The following PCDHA7 variants were observed in gnomAD, a reference collection of about 807,000 sequenced individuals.
The protein encoded by PCDHA7 is protocadherin alpha 7, also known as protocadherin alpha-7.
PCDHA7 carries 37 observed loss-of-function variants against 57.2 expected under a neutral mutation model. The observed-to-expected ratio is 0.65, with a 90% CI of 0.50 to 0.85. The LOEUF (loss-of-function observed/expected upper bound fraction) is 0.85. Among genes scored for constraint, PCDHA7 ranks in the 40% least tolerant of loss-of-function variants. PCDHA7 has a pLI of 0.00. For missense variants in PCDHA7, 1,188 were observed against 1,241.8 expected (o/e 0.96, Z 0.65); for synonymous variants, 553 against 558.8 (o/e 0.99, Z 0.15).
At chr5:140,947,275 T>G (rs246050) in intron 1 of PCDHA7, among the ~76,000 whole-genome samples, 85,352 of 151,290 alleles carry the variant, frequency 0.56, 24,679 homozygotes, top group African/African-American at 0.69. Context: ...GAAAATACTT[T>G]TTCTTTTTAT....
At chr5:140,864,428 A>G (rs1459039146) in intron 1 of PCDHA7, 2 of 152,138 alleles carry the variant, frequency 1.3e-5, no homozygotes, top group Non-Finnish European at 2.9e-5. Context: ...TCGTCCACAA[A>G]CAATTTTGTT....
intron 1 of PCDHA7, among the ~76,000 whole-genome samples, chr5:140,932,539 AT>A (rs782246299): frequency 3.3e-5 from 5 of 152,008 alleles, no homozygotes; most frequent in Admixed American, 2.0e-4. Context: ...AAGGTGCTTT[AT>A]TTAACATACA....
chr5:140,874,321 T>C (rs1476462736), intron 1 of PCDHA7, among the ~76,000 whole-genome samples: 2 of 151,726 alleles, frequency 1.3e-5, no homozygotes, highest in Non-Finnish European at 2.9e-5. Flanking sequence ...TGTAGGATCT[T>C]ATCTGTTTTT....
At position 141,009,794 on chromosome 5, in the gene PCDHA7, A is replaced by G. The variant is rs1314860754; in HGVS notation, c.2671A>G (p.Thr891Ala). 1.2e-6 allele frequency: 2 copies of G among 1,614,042 alleles called. No homozygotes were observed. Among genetic ancestry groups the G allele is most frequent in the South Asian group, 1.1e-5 (1 of 91,076 alleles). Reference protein sequence around the residue: ...PAIISIRQEPTNSQIDKSDFI... With the variant: ...PAIISIRQEPANSQIDKSDFI... ...AATCATCTCCATCCGGCAGGAGCCTACTAACAGCCAAATTGACAAAAGTGA... is the reference window on the plus strand; with the variant it reads ...AATCATCTCCATCCGGCAGGAGCCTGCTAACAGCCAAATTGACAAAAGTGA... The change falls in exon 4 of 4, where the codon ACT (threonine) becomes GCT (alanine). Residue 891 changes from threonine (T) to alanine (A), a missense_variant. Physicochemically the swap from Thr to Ala is moderately conservative, Grantham distance 58. Coordinates refer to ENST00000525929, the MANE Select transcript of PCDHA7 (RefSeq NM_018910.3).
At chr5:140,985,729 T>C (rs1314785007) in intron 3 of PCDHA7, among the ~76,000 whole-genome samples, 2 of 149,858 alleles carry the variant, frequency 1.3e-5, no homozygotes, top group Non-Finnish European at 3.0e-5. Flanking sequence ...TTTCCTTCAC[T>C]GATGAATTCC....
chr5:140,923,865 A>G (rs1422887617), intron 1 of PCDHA7, among the ~76,000 whole-genome samples: 1 of 152,226 alleles, frequency 6.6e-6, no homozygotes, highest in Non-Finnish European at 1.5e-5. Flanking sequence ...GGGAAGCCAA[A>G]AATCTGAGAA....
chr5:140,998,547 A>C (rs1173862918), intron 3 of PCDHA7, among the ~76,000 whole-genome samples: 4 of 150,288 alleles, frequency 2.7e-5, no homozygotes, highest in African/African-American at 9.8e-5. Flanking sequence ...TCCTAATTTA[A>C]TGTCTAATTT....
chr5:140,924,768 G>C lies in PCDHA7; in HGVS notation c.2356-54181G>C, dbSNP rs562954470. ...AAATTAACCGAGCATGGTGGTGCGCGCTTGTAGTCCTAGCTACTTAGGAGG... is the reference window on the plus strand; with the variant it reads ...AAATTAACCGAGCATGGTGGTGCGCCCTTGTAGTCCTAGCTACTTAGGAGG... On this transcript the variant is annotated intron_variant, in intron 1 of 3. Coordinates refer to ENST00000525929, the MANE Select transcript of PCDHA7 (RefSeq NM_018910.3). Among the ~76,000 whole-genome samples the C allele has an allele frequency of 3.9e-3, 597 of 151,896 alleles. 3 individuals are homozygous for C. The highest frequency in any genetic ancestry group is 0.014 in the African/African-American group (579 of 41,424).
chr5:140,841,278 T>A, intron 1 of PCDHA7: 5 of 1,521,548 alleles, frequency 3.3e-6, no homozygotes, highest in Non-Finnish European at 3.5e-6. Context: ...GTCGTTCATC[T>A]TTATATTAAG....
chr5:140,911,605 T>C (rs2075559169), intron 1 of PCDHA7, among the ~76,000 whole-genome samples: 1 of 152,224 alleles, frequency 6.6e-6, no homozygotes, highest in Non-Finnish European at 1.5e-5. Context: ...AACTTCATTA[T>C]GTTCCTTAGT....
intron 1 of PCDHA7, among the ~76,000 whole-genome samples, chr5:140,977,549 A>G (rs2096765562): frequency 6.6e-6 from 1 of 152,210 alleles, no homozygotes; most frequent in African/African-American, 2.4e-5. Flanking sequence ...TTGCATATGC[A>G]TATCTTGCTA....
chr5:140,841,591 C>T (rs2150318680), intron 1 of PCDHA7: 1 of 1,614,046 alleles, frequency 6.2e-7, no homozygotes, highest in Admixed American at 1.7e-5. Context: ...ATTCTCGGAT[C>T]GACCGCGAGG....
intron 1 of PCDHA7, among the ~76,000 whole-genome samples, chr5:140,895,983 G>A (rs1186137755): frequency 1.3e-5 from 2 of 151,942 alleles, no homozygotes; most frequent in Non-Finnish European, 2.9e-5. Context: ...GCTAATTTTT[G>A]TATTTTAAGT....
intron 1 of PCDHA7, chr5:140,853,093 A>T (rs1554146395): frequency 9.0e-6 from 3 of 333,900 alleles, no homozygotes; most frequent in Non-Finnish European, 1.3e-5. Context: ...GTTAGTCAGG[A>T]TGGTCTCGAT....
chr5:140,871,028 C>A (rs782198197), intron 1 of PCDHA7: 2 of 1,613,234 alleles, frequency 1.2e-6, no homozygotes, highest in Non-Finnish European at 1.7e-6. Context: ...GCAGACTCGC[C>A]GCGCCACCGA....
intron 1 of PCDHA7, among the ~76,000 whole-genome samples, chr5:140,880,156 A>C (rs1301821759): frequency 6.6e-6 from 1 of 152,250 alleles, no homozygotes; most frequent in Non-Finnish European, 1.5e-5. Context: ...TATATCAAGT[A>C]TATGTTAGAA....
In PCDHA7 at chr5:140,835,340, A is replaced by G. The variant is rs1371030036; in HGVS notation, c.957A>G (p.Pro319=). 2 of 1,613,678 alleles carry G rather than the reference A, an allele frequency of 1.2e-6. No homozygotes were observed. The highest frequency in any genetic ancestry group is 1.7e-5 in the Admixed American group (1 of 59,968). The change falls in exon 1 of 4, where the codon CCA becomes CCG. Residue 319 remains proline (P), a synonymous_variant. Coordinates refer to ENST00000525929, the MANE Select transcript of PCDHA7 (RefSeq NM_018910.3). ...AAGAAAGTAGAGCACACAAGATCCC[A>G]GTCGAGGCTGTCGATAAAGGCTTCC... ...DFEESRAHKI[P]VEAVDKGFPP...
intron 3 of PCDHA7, among the ~76,000 whole-genome samples, chr5:140,996,349 A>G (rs2097722990): frequency 6.6e-6 from 1 of 152,184 alleles, no homozygotes; most frequent in African/African-American, 2.4e-5. Flanking sequence ...AACCCAACCA[A>G]AGTCAGAAGC....
chr5:140,916,303 A>G (rs2077518127), intron 1 of PCDHA7, among the ~76,000 whole-genome samples: 1 of 152,176 alleles, frequency 6.6e-6, no homozygotes, highest in Admixed American at 6.5e-5. Context: ...ACTGGTACCA[A>G]AGGTGCAAGA....
Sources: gnomAD v4.1 joint callset for allele counts (sites outside exome capture counted in the v4.1 genomes callset) on GRCh38, gnomAD v4.1.1 for gene constraint, MANE v1.5 for transcripts, NCBI Gene and HGNC (gene_info 2026-07-23, HGNC 2026-07-21) for gene names.